TMEM120B: variants seen among roughly 807,000 people sequenced by gnomAD.
TMEM120B encodes transmembrane protein 120B.
A neutral mutation model predicts 55.5 loss-of-function variants in TMEM120B; 31 were observed. That is an observed-to-expected ratio of 0.56 (90% confidence interval 0.42 to 0.75). TMEM120B has a LOEUF of 0.75. Ranked by LOEUF, TMEM120B falls within the 30% of genes least tolerant of loss-of-function variation. The pLI, the probability that TMEM120B is intolerant of heterozygous loss-of-function variation, is 0.00. For missense variants in TMEM120B, 399 were observed against 425.5 expected (o/e 0.94, Z 0.55); for synonymous variants, 203 against 176.3 (o/e 1.15, Z -1.20).
intron 2 of TMEM120B, among the ~76,000 whole-genome samples, chr12:121,744,218 C>G (rs1399844077): frequency 1.3e-5 from 2 of 152,204 alleles, no homozygotes; most frequent in Admixed American, 6.5e-5. Flanking sequence ...GCCACTGTGC[C>G]TGGCCGAGAG....
chr12:121,761,048 A>C (rs2137285925), intron 5 of TMEM120B, among the ~76,000 whole-genome samples: 1 of 151,996 alleles, frequency 6.6e-6, no homozygotes, highest in East Asian at 1.9e-4. Flanking sequence ...GCACGATCTC[A>C]GCTCACTGCA....
At chr12:121,772,039 C>CTCTT (rs749658859) in intron 8 of TMEM120B, among the ~76,000 whole-genome samples, 10 of 114,118 alleles carry the variant, frequency 8.8e-5, no homozygotes, top group South Asian at 2.8e-4. Context: ...TTCTTTCTTT[C>CTCTT]TCTTTCTTTC....
chr12:121,720,803 T>C (rs1444250429), intron 1 of TMEM120B, among the ~76,000 whole-genome samples: 4 of 152,214 alleles, frequency 2.6e-5, no homozygotes, highest in Non-Finnish European at 5.9e-5. Context: ...GGTATGGCCC[T>C]ATTGCAGTCT....
chr12:121,771,182 C>T (rs1352348054), intron 7 of TMEM120B, among the ~76,000 whole-genome samples: 1 of 152,134 alleles, frequency 6.6e-6, no homozygotes, highest in Non-Finnish European at 1.5e-5. Flanking sequence ...GTGTCCCTGG[C>T]CAGGGCAGAG....
intron 3 of TMEM120B, 129 bp from the exon 4 acceptor site, chr12:121,750,251 G>A (rs1170799871): frequency 9.5e-6 from 8 of 842,866 alleles, no homozygotes; most frequent in African/African-American, 3.4e-5. Context: ...CCATTTGCCC[G>A]CTGAGCTTAG....
At chr12:121,763,413 C>T (rs537506287) in intron 6 of TMEM120B, among the ~76,000 whole-genome samples, 1 of 151,992 alleles carries the variant, frequency 6.6e-6, no homozygotes, top group Non-Finnish European at 1.5e-5. Flanking sequence ...CCGCCCACCT[C>T]AGCCTCCCAA....
intron 3 of TMEM120B, among the ~76,000 whole-genome samples, chr12:121,750,067 G>T (rs1260839934): frequency 2.6e-5 from 4 of 151,944 alleles, no homozygotes; most frequent in South Asian, 4.2e-4. Context: ...CCTAGAGGTT[G>T]TACCTTTGCC....
intron 3 of TMEM120B, among the ~76,000 whole-genome samples, chr12:121,749,235 G>A (rs533226250): frequency 5.4e-4 from 82 of 152,342 alleles, no homozygotes; most frequent in African/African-American, 1.9e-3. Context: ...GACCCCATGA[G>A]TTAAGTGATG....
chr12:121,730,647 C>CAAA (rs71079088), intron 1 of TMEM120B, among the ~76,000 whole-genome samples: 24 of 94,494 alleles, frequency 2.5e-4, no homozygotes, highest in African/African-American at 7.2e-4. Flanking sequence ...GAGACACAGT[C>CAAA]AAAAAAAAAA....
At chr12:121,766,746 C>T (rs1873863292) in intron 6 of TMEM120B, among the ~76,000 whole-genome samples, 1 of 152,192 alleles carries the variant, frequency 6.6e-6, no homozygotes, top group South Asian at 2.1e-4. Context: ...AAAGCAGAGG[C>T]CACCCAATGA....
intron 6 of TMEM120B, 80 bp from the exon 7 acceptor site, chr12:121,770,827 G>A: frequency 3.8e-6 from 5 of 1,324,044 alleles, no homozygotes; most frequent in Non-Finnish European, 5.4e-6. Flanking sequence ...AACCCCTGCT[G>A]CATAGGTGGG....
At chr12:121,761,779 TAAAGG>T in intron 6 of TMEM120B, 41 bp downstream of exon 6, 1 of 1,531,694 alleles carries the variant, frequency 6.5e-7, no homozygotes, top group Non-Finnish European at 9.0e-7. Flanking sequence ...CAAGAGGAGT[TAAAGG>T]GAAATGTCAC....
intron 6 of TMEM120B, among the ~76,000 whole-genome samples, chr12:121,769,476 C>CA (rs1203141722): frequency 6.6e-6 from 1 of 152,020 alleles, no homozygotes; most frequent in African/African-American, 2.4e-5. Context: ...AAGGCCAAGG[C>CA]AAGAGGATTG....
chr12:121,766,177 A>G (rs773864593), intron 6 of TMEM120B, among the ~76,000 whole-genome samples: 1 of 151,996 alleles, frequency 6.6e-6, no homozygotes, highest in Non-Finnish European at 1.5e-5. Context: ...TTGAATTGGG[A>G]CAGGAGGTGT....
chr12:121,754,357 C>T (rs1211708176), intron 5 of TMEM120B, among the ~76,000 whole-genome samples: 4 of 152,362 alleles, frequency 2.6e-5, no homozygotes, highest in Non-Finnish European at 4.4e-5. Context: ...CAAGGTTCCC[C>T]GAGGGCCTGG....
chr12:121,775,525 TGTGCTGGAGATTCTGGG>T lies in TMEM120B; in HGVS notation c.907-76_907-60del. On this transcript the variant is annotated intron_variant, in intron 11 of 11. Coordinates refer to ENST00000449592, the MANE Select transcript of TMEM120B (RefSeq NM_001080825.2). This position sits in a 1 kb window ranked among gnomAD's most constrained non-coding sequence, Gnocchi z 4.3. ...TGCAGTTTGGGAGTTTGGGGGCAGC[TGTGCTGGAGATTCTGGG>T]GTGCTGGGGGCAGGGGTTCAGCAGG... The T allele has an allele frequency of 6.6e-7, 1 of 1,516,942 alleles. No individual in the cohort carries two copies. The highest frequency in any genetic ancestry group is 1.4e-5 in the African/African-American group (1 of 72,236). The allele number at this position is 1,516,942 out of a possible 1,614,324, so 94.0% of individuals were successfully genotyped here.
rs79704770 is a variant in TMEM120B at position 121,772,405 on chromosome 12, C to T, written c.679+856C>T. Reference sequence around the variant, plus strand: ...TCTGCCACCCAAAGTGTTGGGATTACAGGCATGAGCCACCACGCCGTACCG... The same window carrying T: ...TCTGCCACCCAAAGTGTTGGGATTATAGGCATGAGCCACCACGCCGTACCG... On this transcript the variant is annotated intron_variant, in intron 8 of 11. Transcript: ENST00000449592. Among the ~76,000 whole-genome samples the T allele has an allele frequency of 1.6e-3, 235 of 151,150 alleles. 2 individuals are homozygous for T. Among genetic ancestry groups the T allele is most frequent in the African/African-American group, 5.4e-3 (222 of 41,134 alleles).
intron 4 of TMEM120B, among the ~76,000 whole-genome samples, chr12:121,751,111 A>C: frequency 2.5e-5 from 2 of 81,420 alleles, no homozygotes; most frequent in African/African-American, 4.9e-5. Flanking sequence ...CCCACACCCC[A>C]AACCCAAACC....
chr12:121,736,468 G>A (rs1398755613), intron 1 of TMEM120B, among the ~76,000 whole-genome samples: 9 of 148,784 alleles, frequency 6.0e-5, no homozygotes, highest in East Asian at 4.0e-4. Flanking sequence ...GTGCCCGGCC[G>A]GTCTCGAACT....
Sources: gnomAD v4.1 joint callset for allele counts (sites outside exome capture counted in the v4.1 genomes callset) on GRCh38, gnomAD v4.1.1 for gene constraint, Gnocchi (gnomAD v3.1) non-coding constraint, MANE v1.5 for transcripts, NCBI Gene and HGNC (gene_info 2026-07-23, HGNC 2026-07-21) for gene names.